OSBPL10: variants seen among roughly 807,000 people sequenced by gnomAD.
OSBPL10 encodes oxysterol binding protein like 10.
Under a neutral mutation model 81.7 loss-of-function variants are expected in OSBPL10, and 49 were observed. The observed-to-expected ratio is 0.60, with a 90% CI of 0.48 to 0.76. The LOEUF (loss-of-function observed/expected upper bound fraction) is 0.76. OSBPL10 is among the 30% of genes least tolerant of loss of function. OSBPL10 has a pLI of 0.00. For missense variants in OSBPL10, 923 were observed against 987.8 expected (o/e 0.93, Z 0.88); for synonymous variants, 419 against 383.6 (o/e 1.09, Z -1.08).
At chr3:31,703,199 C>G (rs1412771845) in intron 6 of OSBPL10, among the ~76,000 whole-genome samples, 3 of 152,150 alleles carry the variant, frequency 2.0e-5, no homozygotes, top group Non-Finnish European at 4.4e-5. Context: ...AAACAGGCAA[C>G]TTAATAAACT....
intron 4 of OSBPL10, among the ~76,000 whole-genome samples, chr3:31,780,555 C>T (rs1240198309): frequency 6.7e-6 from 1 of 149,788 alleles, no homozygotes; most frequent in Non-Finnish European, 1.5e-5. Flanking sequence ...AATTGATAGA[C>T]CAGTAGCAAG....
At chr3:32,076,159 G>A (rs144306789) in intron 1 of OSBPL10, among the ~76,000 whole-genome samples, 1,639 of 152,230 alleles carry the variant, frequency 0.011, 39 homozygotes, top group African/African-American at 0.037. Context: ...CACGAGGTCA[G>A]GAGATCGAGA....
Position 31,711,827 on chromosome 3 carries a change from A to C in OSBPL10, c.1096-9319T>G, listed in dbSNP as rs185710748. Among the ~76,000 whole-genome samples the C allele has an allele frequency of 3.1e-3, 473 of 152,368 alleles. 2 individuals carry two copies. Among genetic ancestry groups the C allele is most frequent in the African/African-American group, 0.011 (451 of 41,590 alleles). On this transcript the variant is annotated intron_variant, in intron 6 of 11. Coordinates refer to ENST00000396556, the MANE Select transcript of OSBPL10 (RefSeq NM_017784.5). ...CTAAAATCCACCAAATGGTTGGTAC[A>C]ATTTAAATGGATAAATTGTATGGCA...
intron 8 of OSBPL10, among the ~76,000 whole-genome samples, chr3:31,676,679 T>C (rs928717008): frequency 1.3e-5 from 2 of 152,240 alleles, no homozygotes; most frequent in African/African-American, 4.8e-5. Flanking sequence ...ATCATGTTGC[T>C]TCCTCTCATT....
At chr3:32,059,710 G>C (rs541378565) in intron 1 of OSBPL10, among the ~76,000 whole-genome samples, 1 of 152,076 alleles carries the variant, frequency 6.6e-6, no homozygotes, top group African/African-American at 2.4e-5. Context: ...TTGAGCCCAG[G>C]AGTTCGAGAC....
At chr3:32,040,015 G>A (rs527421660) in intron 2 of OSBPL10, among the ~76,000 whole-genome samples, 11 of 152,308 alleles carry the variant, frequency 7.2e-5, no homozygotes, top group Admixed American at 7.2e-4. Context: ...TGTGTTTTAA[G>A]GGCCTGAGAC....
At chr3:31,710,049 G>A (rs1026516659) in intron 6 of OSBPL10, among the ~76,000 whole-genome samples, 1 of 152,208 alleles carries the variant, frequency 6.6e-6, no homozygotes, top group Non-Finnish European at 1.5e-5. Context: ...TAAGGAAGAG[G>A]CCATGAAATC....
intron 4 of OSBPL10, among the ~76,000 whole-genome samples, chr3:31,817,456 A>G (rs1349224991): frequency 6.6e-6 from 1 of 152,034 alleles, no homozygotes; most frequent in African/African-American, 2.4e-5. Context: ...CACCCCATCA[A>G]CTCAGAAGGG....
At chr3:31,957,802 G>A (rs993103618) in intron 1 of OSBPL10, among the ~76,000 whole-genome samples, 1 of 152,004 alleles carries the variant, frequency 6.6e-6, no homozygotes, top group Non-Finnish European at 1.5e-5. Flanking sequence ...CACCACGCCT[G>A]ACTAATTTTT....
intron 2 of OSBPL10, among the ~76,000 whole-genome samples, chr3:32,037,167 C>A (rs1342137297): frequency 2.0e-5 from 3 of 152,180 alleles, no homozygotes; most frequent in Non-Finnish European, 4.4e-5. Flanking sequence ...CTACGTACCC[C>A]GTGTGACAGA....
intron 2 of OSBPL10, among the ~76,000 whole-genome samples, chr3:31,995,294 C>T (rs189495111): frequency 1.6e-4 from 24 of 152,256 alleles, no homozygotes; most frequent in Admixed American, 3.3e-4. Flanking sequence ...TTATCTCAAC[C>T]ACATAGGACA....
chr3:31,863,715 A>G (rs1247757605), intron 3 of OSBPL10, among the ~76,000 whole-genome samples: 3 of 152,250 alleles, frequency 2.0e-5, no homozygotes, highest in African/African-American at 7.2e-5. Context: ...CTCTCTCTTT[A>G]AAAAACTAAA....
chr3:32,009,170 C>G (rs1331528592), intron 2 of OSBPL10, among the ~76,000 whole-genome samples: 1 of 152,206 alleles, frequency 6.6e-6, no homozygotes, highest in Non-Finnish European at 1.5e-5. Flanking sequence ...AGTAGGAACT[C>G]TTGGCTTTCC....
At chr3:31,875,082 T>TAAAAAAAAAAAAAAA (rs555527834) in intron 3 of OSBPL10, among the ~76,000 whole-genome samples, 1 of 103,062 alleles carries the variant, frequency 9.7e-6, no homozygotes, top group African/African-American at 3.7e-5. Context: ...ATATATTAAG[T>TAAAAAAAAAAAAAAA]AAAAAAAAAA....
At chr3:32,013,961 G>C (rs1395041148) in intron 2 of OSBPL10, among the ~76,000 whole-genome samples, 1 of 151,966 alleles carries the variant, frequency 6.6e-6, no homozygotes, top group Admixed American at 6.6e-5. Flanking sequence ...TAATAGCTTA[G>C]CAACCAAAAA....
At chr3:31,685,976 G>A (rs1420514446) in intron 7 of OSBPL10, among the ~76,000 whole-genome samples, 1 of 152,154 alleles carries the variant, frequency 6.6e-6, no homozygotes, top group Admixed American at 6.5e-5. Context: ...CTTATGAAGA[G>A]ATTAATGCCT....
In OSBPL10 at chr3:31,846,860, A is replaced by C. The variant is rs549194885; in HGVS notation, c.538-16629T>G. Among the ~76,000 whole-genome samples the C allele has an allele frequency of 2.6e-5, 4 of 152,162 alleles. No individual in the cohort carries two copies. The East Asian group carries it at 7.7e-4, about 29-fold the overall frequency. ...CATGCGAATTTTCCTCCTGTATCTG[A>C]GTGTACATCCTTTAGCTCATCAATG... On this transcript the variant is annotated intron_variant, in intron 3 of 11. Transcript: ENST00000396556.
At chr3:31,882,889 T>C (rs1695625896) in intron 1 of OSBPL10, among the ~76,000 whole-genome samples, 2 of 152,322 alleles carry the variant, frequency 1.3e-5, no homozygotes, top group African/African-American at 4.8e-5. Flanking sequence ...AAACCCTTTT[T>C]ATTTGTATTT....
chr3:31,897,957 G>C (rs1249053707), intron 1 of OSBPL10, among the ~76,000 whole-genome samples: 3 of 136,494 alleles, frequency 2.2e-5, no homozygotes, highest in African/African-American at 7.8e-5. Context: ...GCAGTGAGCC[G>C]AGATCATGCC....
Sources: allele counts gnomAD v4.1 joint callset (sites outside exome capture counted in the v4.1 genomes callset), GRCh38; gene constraint gnomAD v4.1.1; transcripts MANE v1.5; gene names NCBI Gene and HGNC (gene_info 2026-07-23, HGNC 2026-07-21).